PIGN: variants seen among roughly 807,000 people sequenced by gnomAD.
PIGN encodes GPI ethanolamine phosphate transferase 1.
A neutral mutation model predicts 125.4 loss-of-function variants in PIGN; 117 were observed. The ratio of observed to expected loss-of-function variants is 0.93; its 90% CI spans 0.80 to 1.09. The LOEUF (loss-of-function observed/expected upper bound fraction) is 1.09. PIGN is among the 50% of genes least tolerant of loss of function. The pLI is 0.00. For synonymous variants in PIGN, 392 were observed against 377.8 expected (o/e 1.04, Z -0.44); for missense variants, 1,075 against 1,094.9 (o/e 0.98, Z 0.26).
At chr18:62,155,677 C>T (rs1339481903) in intron 6 of PIGN, among the ~76,000 whole-genome samples, 4 of 152,226 alleles carry the variant, frequency 2.6e-5, no homozygotes, top group Non-Finnish European at 5.9e-5. Flanking sequence ...CCTCTTCCCA[C>T]ATCCCAAATA....
chr18:62,148,373 C>A (rs1568230280), intron 7 of PIGN, 35 bp from the exon 8 acceptor site: 2 of 1,349,718 alleles, frequency 1.5e-6, no homozygotes, highest in Non-Finnish European at 2.0e-6. Flanking sequence ...ATATTTAGTT[C>A]ATTTGTTTTA....
intron 26 of PIGN, 47 bp downstream of exon 26, chr18:62,085,162 G>A: frequency 2.0e-6 from 2 of 1,019,430 alleles, no homozygotes; most frequent in Non-Finnish European, 1.5e-6. Flanking sequence ...GTCCCAGGTT[G>A]CATTATTTTT....
intron 23 of PIGN, among the ~76,000 whole-genome samples, chr18:62,023,322 A>T (rs1386837054): frequency 6.6e-6 from 1 of 152,226 alleles, no homozygotes; most frequent in African/African-American, 2.4e-5. Flanking sequence ...AAAATCATAC[A>T]ATCTATGTGG....
intron 30 of PIGN, among the ~76,000 whole-genome samples, chr18:62,046,274 A>G (rs2030675685): frequency 1.3e-5 from 2 of 151,926 alleles, no homozygotes; most frequent in African/African-American, 4.8e-5. Context: ...AGCTATGTAT[A>G]TCCTCCTGTA....
downstream of PIGN, among the ~76,000 whole-genome samples, chr18:62,038,955 T>C (rs1253775244): frequency 2.5e-5 from 3 of 120,108 alleles, no homozygotes; most frequent in South Asian, 2.7e-4. Context: ...ATAATAATAA[T>C]AATAATAGCT....
rs549311069 is a variant in PIGN, at chr18:62,032,703, G to T, written c.2143-14962C>A. On this transcript the variant is annotated intron_variant, in intron 23 of 24. Transcript: ENST00000639600. ...TTGTTTACTAGCTGTGAGATCTTGG[G>T]CAAGTTATTTATAATTATCCAGTGT... Among the ~76,000 whole-genome samples, 8 of 152,210 alleles carry T rather than the reference G, an allele frequency of 5.3e-5. No homozygotes were observed. In the South Asian group the frequency reaches 1.0e-3, roughly 20 times the overall value.
intron 1 of PIGN, among the ~76,000 whole-genome samples, chr18:62,170,471 G>T (rs573684956): frequency 1.3e-5 from 2 of 152,236 alleles, no homozygotes; most frequent in South Asian, 4.1e-4. Flanking sequence ...TTGATGTTAT[G>T]ATTGTAATTG....
At chr18:62,119,531 A>C (rs1307486246) in intron 14 of PIGN, among the ~76,000 whole-genome samples, 2 of 152,214 alleles carry the variant, frequency 1.3e-5, no homozygotes, top group East Asian at 3.9e-4. Context: ...GGTGTAACTC[A>C]TGACAGAATC....
At chr18:62,178,515 G>A (rs2037605817) in intron 1 of PIGN, among the ~76,000 whole-genome samples, 2 of 151,502 alleles carry the variant, frequency 1.3e-5, no homozygotes, top group Admixed American at 1.3e-4. Flanking sequence ...AGAGCTGGTA[G>A]TCCCAGCTAC....
intron 23 of PIGN, among the ~76,000 whole-genome samples, chr18:62,095,582 A>G (rs2034145345): frequency 6.6e-6 from 1 of 152,206 alleles, no homozygotes; most frequent in African/African-American, 2.4e-5. Context: ...ATTTTTTAAC[A>G]TTATAGTTAA....
intron 24 of PIGN, among the ~76,000 whole-genome samples, chr18:62,089,887 A>G (rs141710593): frequency 1.0e-3 from 157 of 152,262 alleles, no homozygotes; most frequent in Middle Eastern, 3.4e-3. Flanking sequence ...AGAAACATCA[A>G]TTTAACTCTG....
Position 62,095,880 on chromosome 18 carries a change from T to C in PIGN, c.2148A>G (p.Ser716=), listed in dbSNP as rs769998002. The C allele has an allele frequency of 1.2e-6, 2 of 1,612,494 alleles. No individual in the cohort carries two copies. The highest frequency in any genetic ancestry group is 2.2e-5 in the South Asian group (2 of 91,018). Reference sequence around the variant, plus strand: ...TTAGAAGTAGGTAGGTTGACATCAATGAAAGAAGTATGCTGAACAATCGCT... The same window carrying C: ...TTAGAAGTAGGTAGGTTGACATCAACGAAAGAAGTATGCTGAACAATCGCT... The part of the protein sequence containing the change: ...LFQRLFSILL[S]LMSTYLLLST... Residue 716 remains serine, a synonymous_variant, in exon 23 of 31, where the codon TCA becomes TCG. Coordinates refer to ENST00000640252, the MANE Select transcript of PIGN (RefSeq NM_176787.5).
Position 62,045,833 on chromosome 18 carries a change from T to C in PIGN, c.*23A>G, listed in dbSNP as rs374896802. The C allele has an allele frequency of 1.9e-6, 3 of 1,612,510 alleles. No homozygotes were observed. Among genetic ancestry groups the C allele is most frequent in the African/African-American group, 2.7e-5 (2 of 75,018 alleles). On this transcript the variant is annotated 3_prime_UTR_variant, in exon 31 of 31. Coordinates refer to ENST00000640252, the MANE Select transcript of PIGN (RefSeq NM_176787.5). ...CTTAAAAGGAGAATCAGGATCCAGATGCTGAATGGTGCTTCAGCAACCTCA... is the reference window on the plus strand; with the variant it reads ...CTTAAAAGGAGAATCAGGATCCAGACGCTGAATGGTGCTTCAGCAACCTCA...
chr18:62,117,498 A>T (rs1172572934), intron 14 of PIGN, among the ~76,000 whole-genome samples: 4 of 152,026 alleles, frequency 2.6e-5, no homozygotes, highest in Non-Finnish European at 5.9e-5. Context: ...AATAAAATAG[A>T]TTTTTAAAAT....
rs1239782170 is a variant in PIGN, at chr18:62,138,996, A to G, written c.1103T>C (p.Leu368Pro). The change falls in exon 13 of 31, where the codon CTT becomes CCT. Residue 368 changes from leucine to proline, a missense_variant. Physicochemically the swap from Leu to Pro is moderately conservative, Grantham distance 98 (BLOSUM62 -3). Transcript: ENST00000640252. ...TTTTTTTTTTACCTTGAACTGTTCA[A>G]GAATCTGTACTGCATTTGTAAACAT... ...ESMFTNAVQI[L>P]EQFKVKMTQK... The G allele has an allele frequency of 6.2e-7, 1 of 1,604,766 alleles. No individual in the cohort carries two copies. Among genetic ancestry groups the G allele is most frequent in the African/African-American group, 1.3e-5 (1 of 74,882 alleles).
Position 62,045,501 on chromosome 18 carries a change from C to T in PIGN, c.*355G>A. The T allele has an allele frequency of 5.9e-6, 1 of 168,516 alleles. No homozygotes were observed. The highest frequency in any genetic ancestry group is 1.3e-5 in the Non-Finnish European group (1 of 77,994). The allele number at this position is 168,516 out of a possible 1,614,324, so 10.4% of individuals were successfully genotyped here. A position where few individuals can be genotyped will look rare whatever the true frequency, so the allele number is the denominator to read the frequency against. On this transcript the variant is annotated 3_prime_UTR_variant, in exon 31 of 31. Coordinates refer to ENST00000640252, the MANE Select transcript of PIGN (RefSeq NM_176787.5). ...CTGGATGCCATCAGCACTGCCCCCACAGGCATATGCTCTCCTCTGGGTATG... is the reference window on the plus strand; with the variant it reads ...CTGGATGCCATCAGCACTGCCCCCATAGGCATATGCTCTCCTCTGGGTATG...
rs532879051 is a variant in PIGN at position 62,084,622 on chromosome 18, A to C, written c.2427-16T>G. The C allele has an allele frequency of 2.5e-5, 36 of 1,464,496 alleles. No individual in the cohort carries two copies. The South Asian group carries it at 2.6e-4, about 10-fold the overall frequency. The allele number at this position is 1,464,496 out of a possible 1,614,324, so 90.7% of individuals were successfully genotyped here. A position where few individuals can be genotyped will look rare whatever the true frequency, so the allele number is the denominator to read the frequency against. On this transcript the variant is annotated splice_polypyrimidine_tract_variant and intron_variant, in intron 26 of 30. Transcript: ENST00000640252. ...AAGATCAAAGCTAGGGAATTATAAC[A>C]AGGAAAAAGAATTTAGAATTCACTC...
At chr18:62,142,262 A>T (rs2036166749) in intron 11 of PIGN, among the ~76,000 whole-genome samples, 2 of 152,226 alleles carry the variant, frequency 1.3e-5, no homozygotes, top group South Asian at 4.1e-4. Context: ...TAGTAGAAGG[A>T]ATGAATAGAC....
chr18:62,026,711 A>G (rs534832268), intron 23 of PIGN, among the ~76,000 whole-genome samples: 1 of 152,322 alleles, frequency 6.6e-6, no homozygotes, highest in Non-Finnish European at 1.5e-5. Flanking sequence ...TGCCTCTGCT[A>G]CTGCCACTCT....
Sources: allele counts gnomAD v4.1 joint callset (sites outside exome capture counted in the v4.1 genomes callset), GRCh38; gene constraint gnomAD v4.1.1; transcripts MANE v1.5; gene names NCBI Gene and HGNC (gene_info 2026-07-23, HGNC 2026-07-21).